Variants in AKAP13 observed in about 807,000 individuals in gnomAD.
AKAP13 encodes A-kinase anchor protein 13.
Under a neutral mutation model 264.5 loss-of-function variants are expected in AKAP13, and 80 were observed. That is an observed-to-expected ratio of 0.30 (90% CI 0.25 to 0.36). The LOEUF is 0.36. Among genes scored for constraint, AKAP13 ranks in the 10% least tolerant of loss-of-function variants. The pLI, the probability that AKAP13 is intolerant of heterozygous loss-of-function variation, is 1.00. For synonymous variants in AKAP13, 1,380 were observed against 1,250.2 expected, an observed-to-expected ratio of 1.10 and a Z score of -2.19; for missense variants, 3,712 against 3,435.2, an observed-to-expected ratio of 1.08 and a Z score of -2.01.
Position 85,543,828 on chromosome 15 carries a change from T to C in AKAP13, c.535T>C (p.Leu179=). The part of the protein sequence containing the change: ...HFAVRLGLLR[L]TWFLLQKPGG... The stretch of plus-strand genomic sequence containing the variant: ...TGCTGTGCGGCTGGGACTGCTGAGG[T>C]TGACGTGGTTCCTGTTGCAGAAGCC... Residue 179 remains leucine (L), a synonymous_variant, in exon 5 of 37, where the codon TTG becomes CTG. Transcript: ENST00000394518. The C allele has an allele frequency of 6.2e-7, 1 of 1,614,016 alleles. No individual in the cohort carries two copies.
At chr15:85,397,575 T>C (rs1256324004) in intron 1 of AKAP13, among the ~76,000 whole-genome samples, 1 of 152,234 alleles carries the variant, frequency 6.6e-6, no homozygotes, top group East Asian at 1.9e-4. Context: ...CTGTCACTTA[T>C]TGGGAACCAT....
intron 2 of AKAP13, among the ~76,000 whole-genome samples, chr15:85,516,286 A>G (rs1011226324): frequency 5.3e-5 from 8 of 152,192 alleles, no homozygotes; most frequent in Non-Finnish European, 1.2e-4. Flanking sequence ...ACCTTATGAG[A>G]TAAGGTTGAT....
rs771409995 is a variant in AKAP13, at chr15:85,719,151, C to T, written c.6077C>T (p.Ala2026Val). ...GGTGTGTACAGCCAGGGGATGATGG[C>T]GGATCTGCTTTTTGAGCAGCAGATG... ...MSGVYSQGMM[A>V]DLLFEQQMVE... Residue 2026 changes from alanine (A) to valine (V), a missense_variant, in exon 23 of 37, where the codon GCG becomes GTG. By Grantham distance (64) the Ala-to-Val change is moderately conservative (BLOSUM62 0). This residue lies in a region of AKAP13 where 342 missense variants were observed against 484.3 expected (regional missense o/e 0.71). Coordinates refer to ENST00000394518, the MANE Select transcript of AKAP13 (RefSeq NM_007200.5). 7 of 1,614,008 alleles carry T rather than the reference C, an allele frequency of 4.3e-6. No individual in the cohort carries two copies. The highest frequency in any genetic ancestry group is 2.2e-5 in the South Asian group (2 of 91,084).
At chr15:85,591,270 C>T (rs762664323) in intron 8 of AKAP13, among the ~76,000 whole-genome samples, 5 of 152,126 alleles carry the variant, frequency 3.3e-5, no homozygotes, top group African/African-American at 4.8e-5. Flanking sequence ...TGAGGGTACA[C>T]TTGGGAAGTC....
intron 1 of AKAP13, chr15:85,415,088 A>G: frequency 1.6e-6 from 1 of 608,888 alleles, no homozygotes; most frequent in South Asian, 2.0e-5. Flanking sequence ...TTACTCTGAA[A>G]ATTCATAATT....
At chr15:85,553,619 G>A (rs559970686) in intron 5 of AKAP13, among the ~76,000 whole-genome samples, 4 of 152,202 alleles carry the variant, frequency 2.6e-5, no homozygotes, top group East Asian at 1.9e-4. Context: ...CATATTTTAT[G>A]CTTTAACTGG....
In AKAP13 at chr15:85,533,368, T is replaced by A. The variant is rs1400732842; in HGVS notation, c.182-216T>A. ...GCTGGGATACAAAGTTTTTTGTTTT[T>A]TGTTAAGGGAATTCATATTTGCAAA... On this transcript the variant is annotated intron_variant, in intron 3 of 36. Transcript: ENST00000394518. Among the ~76,000 whole-genome samples the A allele has an allele frequency of 3.3e-5, 5 of 152,184 alleles. No individual in the cohort carries two copies. In the East Asian group the frequency reaches 9.6e-4, roughly 29 times the overall value.
intron 2 of AKAP13, among the ~76,000 whole-genome samples, chr15:85,488,363 G>A (rs1240044377): frequency 6.6e-6 from 1 of 152,190 alleles, no homozygotes; most frequent in Non-Finnish European, 1.5e-5. Context: ...TCTATACATA[G>A]AGATATGTTC....
In AKAP13 at chr15:85,409,104, A is replaced by G. The variant is rs371582199; in HGVS notation, c.-12+28306A>G. On this transcript the variant is annotated intron_variant, in intron 1 of 36. Coordinates refer to ENST00000394518, the MANE Select transcript of AKAP13 (RefSeq NM_007200.5). ...GATGTGAGCATCTTTTTATGTGGTT[A>G]TTGGCTATTTGTATATCTTTTTTGG... Among the ~76,000 whole-genome samples, 22 of 151,734 alleles carry G rather than the reference A, an allele frequency of 1.4e-4. No individual in the cohort carries two copies. In the East Asian group the frequency reaches 3.7e-3, roughly 25 times the overall value.
intron 3 of AKAP13, among the ~76,000 whole-genome samples, chr15:85,525,555 A>G (rs1291869242): frequency 6.6e-6 from 1 of 152,246 alleles, no homozygotes; most frequent in East Asian, 1.9e-4. Flanking sequence ...GGCTAGTTCA[A>G]GAATATAATT....
chr15:85,384,717 A>G (rs943395549), intron 1 of AKAP13, among the ~76,000 whole-genome samples: 4 of 78,640 alleles, frequency 5.1e-5, no homozygotes, highest in African/African-American at 6.3e-5. Context: ...ACTCCGTCTG[A>G]AAAAAAAAAA....
intron 16 of AKAP13, among the ~76,000 whole-genome samples, chr15:85,687,655 G>T (rs1355692144): frequency 6.6e-6 from 1 of 151,512 alleles, no homozygotes; most frequent in East Asian, 1.9e-4. Context: ...AGTGGCAACT[G>T]TAAGTCACCT....
At chr15:85,504,503 C>CAAAAAAAAAAAAAAAAAAAAAAAAAAA (rs566579814) in intron 2 of AKAP13, among the ~76,000 whole-genome samples, 23 of 91,044 alleles carry the variant, frequency 2.5e-4, no homozygotes, top group African/African-American at 8.6e-4. Flanking sequence ...CCTGTCTTTA[C>CAAAAAAAAAAAAAAAAAAAAAAAAAAA]AAAAAAAAAA....
At chr15:85,587,090 G>A (rs1476181180) in intron 8 of AKAP13, among the ~76,000 whole-genome samples, 4 of 152,046 alleles carry the variant, frequency 2.6e-5, no homozygotes, top group Non-Finnish European at 5.9e-5. Context: ...TGCAACCATC[G>A]CCACTAAGGC....
chr15:85,680,015 A>G (rs1017680731), intron 14 of AKAP13, among the ~76,000 whole-genome samples: 1 of 152,242 alleles, frequency 6.6e-6, no homozygotes, highest in Non-Finnish European at 1.5e-5. Context: ...AAAATATTAT[A>G]GGAGTCATAG....
chr15:85,558,447 A>G (rs1349047620), intron 5 of AKAP13, among the ~76,000 whole-genome samples: 6 of 152,190 alleles, frequency 3.9e-5, no homozygotes, highest in African/African-American at 1.4e-4. Context: ...CTTGTTGAGT[A>G]TGGGTTCTTT....
intron 5 of AKAP13, among the ~76,000 whole-genome samples, chr15:85,553,822 T>G (rs1394015528): frequency 6.6e-6 from 1 of 152,184 alleles, no homozygotes; most frequent in Non-Finnish European, 1.5e-5. Flanking sequence ...GTGGTGACAT[T>G]AGATTCTCAT....
chr15:85,730,943 C>T (rs931841057), intron 30 of AKAP13, among the ~76,000 whole-genome samples: 1 of 152,002 alleles, frequency 6.6e-6, no homozygotes, highest in Middle Eastern at 3.2e-3. Flanking sequence ...CATCACACCT[C>T]CCTCCCTCCA....
intron 1 of AKAP13, among the ~76,000 whole-genome samples, chr15:85,460,859 T>C (rs545351288): frequency 1.3e-5 from 2 of 152,224 alleles, no homozygotes; most frequent in African/African-American, 4.8e-5. Context: ...CCATAGAGCC[T>C]CCTGAAAGGA....
Sources: gnomAD v4.1 joint callset for allele counts (sites outside exome capture counted in the v4.1 genomes callset) on GRCh38, gnomAD v4.1.1 for gene constraint, gnomAD v4.1.1 regional missense constraint, MANE v1.5 for transcripts, NCBI Gene and HGNC (gene_info 2026-07-23, HGNC 2026-07-21) for gene names.